MAF: variants seen among roughly 807,000 people sequenced by gnomAD.
The protein encoded by MAF is MAF bZIP transcription factor.
Under a neutral mutation model 22.0 loss-of-function variants are expected in MAF, and 10 were observed. The ratio of observed to expected loss-of-function variants is 0.45; its 90% CI spans 0.28 to 0.77. The LOEUF is 0.77. Among genes scored for constraint, MAF ranks in the 30% least tolerant of loss-of-function variants. The probability of loss-of-function intolerance (pLI) is 0.12; values close to 1 mark genes in which losing one functional copy is unlikely to be tolerated. For synonymous variants in MAF, 337 were observed against 255.8 expected, an observed-to-expected ratio of 1.32 and a Z score of -3.03; for missense variants, 544 against 548.4, an observed-to-expected ratio of 0.99 and a Z score of 0.08.
the MAF span, among the ~76,000 whole-genome samples, chr16:79,208,172 T>G: frequency 6.6e-6 from 1 of 152,338 alleles, no homozygotes; most frequent in South Asian, 2.1e-4. Context: ...GATTGCACAG[T>G]TCTCCTCTGG....
the MAF span, among the ~76,000 whole-genome samples, chr16:79,283,819 G>T: frequency 6.6e-6 from 1 of 152,060 alleles, no homozygotes; most frequent in African/African-American, 2.4e-5. Flanking sequence ...GAGACCTTGG[G>T]CAGATGCACC....
chr16:79,579,299 T>C, the MAF span, among the ~76,000 whole-genome samples: 4 of 152,208 alleles, frequency 2.6e-5, no homozygotes, highest in African/African-American at 9.6e-5. Flanking sequence ...TCCTTGTACT[T>C]GGATGTTAGA....
chr16:79,246,768 CCCAAGAAAAAAGT>C, the MAF span, among the ~76,000 whole-genome samples: 2 of 152,024 alleles, frequency 1.3e-5, no homozygotes, highest in Non-Finnish European at 2.9e-5. Flanking sequence ...TGGAACTTTA[CCCAAGAAAAAAGT>C]CCAAGAGTGA....
At chr16:79,466,851 A>C in the MAF span, among the ~76,000 whole-genome samples, 1 of 152,206 alleles carries the variant, frequency 6.6e-6, no homozygotes, top group Non-Finnish European at 1.5e-5. Context: ...CGCGACACCA[A>C]AGTGATAGCT....
chr16:79,447,143 T>A, the MAF span, among the ~76,000 whole-genome samples: 1 of 152,248 alleles, frequency 6.6e-6, no homozygotes, highest in Admixed American at 6.5e-5. Context: ...TAGGGGTTAA[T>A]ACAGCTGATG....
chr16:79,392,351 G>A, the MAF span, among the ~76,000 whole-genome samples: 58 of 149,980 alleles, frequency 3.9e-4, no homozygotes, highest in African/African-American at 1.4e-3. Flanking sequence ...GAAGGAAGGA[G>A]GGAGGAAGGG....
chr16:79,523,121 T>C, the MAF span, among the ~76,000 whole-genome samples: 1 of 152,226 alleles, frequency 6.6e-6, no homozygotes, highest in African/African-American at 2.4e-5. Flanking sequence ...CTTTTTCTGA[T>C]CCGTTGGTCA....
At chr16:79,572,176 C>A in the MAF span, among the ~76,000 whole-genome samples, 1 of 152,132 alleles carries the variant, frequency 6.6e-6, no homozygotes, top group Non-Finnish European at 1.5e-5. Flanking sequence ...AGTGAAATTT[C>A]CACAACCAAC....
At chr16:79,302,137 C>T in the MAF span, among the ~76,000 whole-genome samples, 5 of 152,294 alleles carry the variant, frequency 3.3e-5, no homozygotes, top group East Asian at 1.9e-4. Context: ...TGGTGCCAGG[C>T]GAGGGCTGGG....
the MAF span, among the ~76,000 whole-genome samples, chr16:79,445,232 A>T: frequency 7.4e-5 from 11 of 149,646 alleles, 1 homozygote; most frequent in African/African-American, 2.7e-4. Flanking sequence ...TTTAGTAGAG[A>T]TGGGGTTTCA....
At chr16:79,502,708 A>AATATAAATATAAAT in the MAF span, among the ~76,000 whole-genome samples, 14 of 33,984 alleles carry the variant, frequency 4.1e-4, no homozygotes, top group African/African-American at 9.0e-4. Flanking sequence ...TATAAATATA[A>AATATAAATATAAAT]ATATATATAT....
the MAF span, among the ~76,000 whole-genome samples, chr16:79,297,444 C>T: frequency 6.6e-6 from 1 of 152,104 alleles, no homozygotes; most frequent in Non-Finnish European, 1.5e-5. Context: ...TGGAGGGTGG[C>T]ACCATTTTGT....
At chr16:79,258,984 C>A in the MAF span, among the ~76,000 whole-genome samples, 8 of 152,238 alleles carry the variant, frequency 5.3e-5, no homozygotes, top group South Asian at 1.7e-3. Context: ...CACATCCAGG[C>A]TGAAAGAAGG....
chr16:79,548,091 T>C, the MAF span, among the ~76,000 whole-genome samples: 1 of 152,246 alleles, frequency 6.6e-6, no homozygotes, highest in Non-Finnish European at 1.5e-5. Flanking sequence ...TTTTCTTTTT[T>C]AGATTTGATT....
chr16:79,371,791 G>A, the MAF span, among the ~76,000 whole-genome samples: 39 of 152,334 alleles, frequency 2.6e-4, no homozygotes, highest in South Asian at 7.7e-3. Flanking sequence ...GTTCTAAAAG[G>A]CCAACAGCTT....
chr16:79,243,793 T>C, the MAF span, among the ~76,000 whole-genome samples: 5 of 152,178 alleles, frequency 3.3e-5, no homozygotes, highest in South Asian at 6.2e-4. Flanking sequence ...ATATCCCTGA[T>C]GAACATTGCT....
the MAF span, among the ~76,000 whole-genome samples, chr16:79,368,679 G>C: frequency 6.6e-6 from 1 of 152,118 alleles, no homozygotes; most frequent in African/African-American, 2.4e-5. Context: ...CCTTCACTCT[G>C]CTCACTTCAA....
the MAF span, among the ~76,000 whole-genome samples, chr16:79,253,848 C>G: frequency 3.3e-5 from 5 of 152,178 alleles, no homozygotes; most frequent in African/African-American, 9.6e-5. Context: ...GTATTGCAAT[C>G]ACCTAAAGAA....
the MAF span, among the ~76,000 whole-genome samples, chr16:79,424,676 C>T: frequency 6.6e-6 from 1 of 152,164 alleles, no homozygotes; most frequent in South Asian, 2.1e-4. Flanking sequence ...ATCCTACCAA[C>T]CTCCAGGAGT....
Sources: allele counts gnomAD v4.1 joint callset (sites outside exome capture counted in the v4.1 genomes callset), GRCh38; gene constraint gnomAD v4.1.1; transcripts MANE v1.5; gene names NCBI Gene and HGNC (gene_info 2026-07-23, HGNC 2026-07-21).